Variants in THAP2 observed in about 807,000 individuals in gnomAD.
The protein encoded by THAP2 is THAP domain containing 2.
THAP2 carries 16 observed loss-of-function variants against 18.8 expected under a neutral mutation model. The observed-to-expected ratio is 0.85, with a 90% CI of 0.58 to 1.29. The LOEUF (loss-of-function observed/expected upper bound fraction) is 1.29, where lower values mean the gene tolerates loss of function less well. Among genes scored for constraint, THAP2 ranks in the 50% most tolerant of loss-of-function variants. THAP2 has a pLI of 0.00. For missense variants in THAP2, 251 were observed against 265.3 expected, an observed-to-expected ratio of 0.95 and a Z score of 0.38; for synonymous variants, 80 against 89.2, an observed-to-expected ratio of 0.90 and a Z score of 0.58.
In THAP2 at chr12:71,677,199, A is replaced by C. The variant is rs752817837; in HGVS notation, c.*91A>C. 241 of 1,213,692 alleles carry C rather than the reference A, an allele frequency of 2.0e-4. No individual in the cohort carries two copies. Among genetic ancestry groups the C allele is most frequent in the Middle Eastern group, 3.1e-4 (1 of 3,264 alleles). The allele number at this position is 1,213,692 out of a possible 1,614,324, so 75.2% of individuals were successfully genotyped here. On this transcript the variant is annotated 3_prime_UTR_variant, in exon 3 of 3. Transcript: ENST00000308086. Reference sequence around the variant, plus strand: ...CTTATGCCAAAATTCATTATTTAATAAAGTTTTACTTGAAGTAACATTACT... The same window carrying C: ...CTTATGCCAAAATTCATTATTTAATCAAGTTTTACTTGAAGTAACATTACT...
rs1481628833 is a variant in THAP2, at chr12:71,664,338, C to G, written c.-172C>G. 4.4e-6 allele frequency: 3 copies of G among 677,014 alleles called. No individual in the cohort carries two copies. Among genetic ancestry groups the G allele is most frequent in the Admixed American group, 5.4e-5 (2 of 36,716 alleles). The allele number at this position is 677,014 out of a possible 1,614,324, so 41.9% of individuals were successfully genotyped here. A position where few individuals can be genotyped will look rare whatever the true frequency, so the allele number is the denominator to read the frequency against. On this transcript the variant is annotated 5_prime_UTR_variant, in exon 1 of 3. Transcript: ENST00000308086. ...TAATAAAGAGAAAGGGAAGGCTGAC[C>G]GTCCTTCGCCTCCGCCCCCACATAC... is the stretch of plus-strand genomic sequence containing the variant.
intron 2 of THAP2, among the ~76,000 whole-genome samples, chr12:71,675,687 G>A (rs974299524): frequency 6.6e-6 from 1 of 152,052 alleles, no homozygotes; most frequent in African/African-American, 2.4e-5. Flanking sequence ...ATATAATCTG[G>A]AAACTCCCAG....
In THAP2 at chr12:71,664,322, GAA is replaced by G. The variant is rs1318882284; in HGVS notation, c.-186_-185del. ...CTCTAGTCGGCCATATTAATAAAGA[GAA>G]AGGGAAGGCTGACCGTCCTTCGCCT... is the stretch of plus-strand genomic sequence containing the variant. On this transcript the variant is annotated 5_prime_UTR_variant, in exon 1 of 3. Coordinates refer to ENST00000308086, the MANE Select transcript of THAP2 (RefSeq NM_031435.4). 1 of 625,016 alleles carries G rather than the reference GAA, an allele frequency of 1.6e-6. No individual in the cohort carries two copies. Among genetic ancestry groups the G allele is most frequent in the Non-Finnish European group, 2.8e-6 (1 of 359,752 alleles). The allele number at this position is 625,016 out of a possible 1,614,324, so 38.7% of individuals were successfully genotyped here.
In THAP2 at chr12:71,674,362, A is replaced by C. The variant is rs747681516; in HGVS notation, c.231A>C (p.Pro77=). Residue 77 remains proline (P), a synonymous_variant, in exon 2 of 3, where the codon CCA becomes CCC. Transcript: ENST00000308086. ...QTRRLKMDAV[P]TIFDFCTHIK... The stretch of plus-strand genomic sequence containing the variant: ...GACGACTTAAAATGGATGCTGTTCC[A>C]ACCATTTTTGATTTTTGTACCCATA... 3.1e-6 allele frequency: 5 copies of C among 1,611,096 alleles called. No individual in the cohort carries two copies. The highest frequency in any genetic ancestry group is 2.5e-6 in the Non-Finnish European group (3 of 1,178,096).
chr12:71,667,781 A>T (rs1326879134), intron 1 of THAP2: 1 of 152,234 alleles, frequency 6.6e-6, no homozygotes, highest in Non-Finnish European at 1.5e-5. Context: ...TGATGTAAAT[A>T]CTACTACCAA....
chr12:71,667,604 C>T (rs1211567160), intron 1 of THAP2: 2 of 152,244 alleles, frequency 1.3e-5, no homozygotes, highest in African/African-American at 4.8e-5. Context: ...GACTTCTCAC[C>T]ATTACCCCTT....
intron 1 of THAP2, among the ~76,000 whole-genome samples, chr12:71,672,391 T>C (rs1881455316): frequency 6.6e-6 from 1 of 152,180 alleles, no homozygotes; most frequent in African/African-American, 2.4e-5. Context: ...TTCACCTTCC[T>C]TTTGTTTTAT....
rs1010588514 is a variant in THAP2, at chr12:71,679,592, G to A, written c.*2484G>A. 6.6e-6 allele frequency: 1 copy of A among 152,018 alleles called. No individual in the cohort carries two copies. The highest frequency in any genetic ancestry group is 1.5e-5 in the Non-Finnish European group (1 of 67,970). The allele number at this position is 152,018 out of a possible 1,614,324, so 9.4% of individuals were successfully genotyped here. A position where few individuals can be genotyped will look rare whatever the true frequency, so the allele number is the denominator to read the frequency against. ...TCTACAAAGAACCAGCCAAAGGCTAGGTACTTGATATAAAAAGGAATATTA... is the reference window on the plus strand; with the variant it reads ...TCTACAAAGAACCAGCCAAAGGCTAAGTACTTGATATAAAAAGGAATATTA... On this transcript the variant is annotated 3_prime_UTR_variant, in exon 3 of 3. Transcript: ENST00000308086.
chr12:71,669,648 A>G (rs1881399865), intron 1 of THAP2, among the ~76,000 whole-genome samples: 1 of 152,162 alleles, frequency 6.6e-6, no homozygotes, highest in Admixed American at 6.5e-5. Flanking sequence ...GACTAGGCAG[A>G]GTAAATAAGT....
chr12:71,673,840 A>G (rs1336465206), intron 1 of THAP2, among the ~76,000 whole-genome samples: 3 of 152,168 alleles, frequency 2.0e-5, no homozygotes, highest in Non-Finnish European at 4.4e-5. Flanking sequence ...TTGACTACAT[A>G]TATCAGCAGC....
chr12:71,676,704 A>T lies in THAP2; in HGVS notation c.283A>T (p.Asn95Tyr), dbSNP rs767142783. The T allele has an allele frequency of 6.3e-7, 1 of 1,576,994 alleles. No individual in the cohort carries two copies. Among genetic ancestry groups the T allele is most frequent in the Non-Finnish European group, 8.6e-7 (1 of 1,165,266 alleles). ...HIKSMKLKSR[N>Y]LLKKNNSCSP... ...TTCGGCTCAGAAACTCAAGTCAAGGAATCTTTTGAAGAAAAACAACAGTTG... is the reference window on the plus strand; with the variant it reads ...TTCGGCTCAGAAACTCAAGTCAAGGTATCTTTTGAAGAAAAACAACAGTTG... The change falls in exon 3 of 3, where the codon AAT becomes TAT. Residue 95 changes from asparagine to tyrosine, a missense_variant. Physicochemically the swap from Asn to Tyr is moderately radical, Grantham distance 143. Coordinates refer to ENST00000308086, the MANE Select transcript of THAP2 (RefSeq NM_031435.4).
intron 2 of THAP2, among the ~76,000 whole-genome samples, chr12:71,676,240 T>C (rs1232897223): frequency 6.6e-6 from 1 of 152,102 alleles, no homozygotes; most frequent in Non-Finnish European, 1.5e-5. Flanking sequence ...CTACAGATCC[T>C]TCAGTTTTCA....
Position 71,676,734 on chromosome 12 carries a change from C to A in THAP2, c.313C>A (p.Pro105Thr), listed in dbSNP as rs1386340964. 6.2e-7 allele frequency: 1 copy of A among 1,600,014 alleles called. No homozygotes were observed. Among genetic ancestry groups the A allele is most frequent in the East Asian group, 2.2e-5 (1 of 44,768 alleles). ...TTTGAAGAAAAACAACAGTTGTTCT[C>A]CAGCTGGACCATCTAATTTAAAATC... ...NLLKKNNSCS[P>T]AGPSNLKSNI... is the part of the protein sequence containing the mutation. Residue 105 changes from proline (P) to threonine (T), a missense_variant, in exon 3 of 3, where the codon CCA becomes ACA. Coordinates refer to ENST00000308086, the MANE Select transcript of THAP2 (RefSeq NM_031435.4).
intron 1 of THAP2, among the ~76,000 whole-genome samples, chr12:71,670,954 AATT>A (rs1159735873): frequency 1.3e-5 from 2 of 151,508 alleles, no homozygotes; most frequent in African/African-American, 4.9e-5. Context: ...AAAAAAAAAA[AATT>A]AAGAGAAAAT....
chr12:71,669,945 G>A (rs1383518155), intron 1 of THAP2, among the ~76,000 whole-genome samples: 2 of 119,796 alleles, frequency 1.7e-5, no homozygotes, highest in Non-Finnish European at 3.2e-5. Context: ...CAACAAGAGC[G>A]AAACTCCGTC....
At chr12:71,673,097 A>AT (rs1881468352) in intron 1 of THAP2, among the ~76,000 whole-genome samples, 1 of 152,146 alleles carries the variant, frequency 6.6e-6, no homozygotes, top group Non-Finnish European at 1.5e-5. Context: ...ATTTGTTTAC[A>AT]TTCTTCTGGA....
intron 1 of THAP2, among the ~76,000 whole-genome samples, chr12:71,668,650 A>G (rs1186809220): frequency 2.0e-5 from 3 of 152,082 alleles, no homozygotes; most frequent in Non-Finnish European, 2.9e-5. Flanking sequence ...TCCTATGTCT[A>G]TTTTGTTTCC....
chr12:71,670,001 T>G (rs1198679739), intron 1 of THAP2, among the ~76,000 whole-genome samples: 1 of 146,776 alleles, frequency 6.8e-6, no homozygotes, highest in Non-Finnish European at 1.5e-5. Context: ...ATAGAAAAAA[T>G]GCATATGTGA....
intron 1 of THAP2, chr12:71,665,067 G>T (rs1881308895): frequency 1.5e-6 from 1 of 683,896 alleles, no homozygotes; most frequent in African/African-American, 1.8e-5. Context: ...ATGGAATTAA[G>T]CGATGTTAAT....
Sources: gnomAD v4.1 joint callset for allele counts (sites outside exome capture counted in the v4.1 genomes callset) on GRCh38, gnomAD v4.1.1 for gene constraint, MANE v1.5 for transcripts, NCBI Gene and HGNC (gene_info 2026-07-23, HGNC 2026-07-21) for gene names.